The following SCUBE1 variants were observed in gnomAD, a reference collection of about 807,000 sequenced individuals.
SCUBE1 encodes signal peptide, CUB and EGF-like domain-containing protein 1.
SCUBE1 carries 59 observed loss-of-function variants against 124.4 expected under a neutral mutation model. That is an observed-to-expected ratio of 0.47 (90% CI 0.38 to 0.59). The LOEUF is 0.59. SCUBE1 is among the 20% of genes least tolerant of loss of function. The probability of loss-of-function intolerance (pLI) is 0.00; values close to 1 mark genes in which losing one functional copy is unlikely to be tolerated. For missense variants in SCUBE1, 1,150 were observed against 1,371.2 expected (o/e 0.84, Z 2.55); for synonymous variants, 545 against 550.9 (o/e 0.99, Z 0.15).
In SCUBE1 at chr22:43,299,519, C is replaced by T. The variant is rs191539495; in HGVS notation, c.350-8339G>A. 9.2e-5 allele frequency among the ~76,000 whole-genome samples: 14 copies of T among 152,310 alleles called. No homozygotes were observed. The East Asian group carries it at 2.5e-3, about 27-fold the overall frequency. ...GGATCCCAGCTTACTGGGGCACTCACAATTGGCCCAGAAGTGGACAGAGCT... is the reference window on the plus strand; with the variant it reads ...GGATCCCAGCTTACTGGGGCACTCATAATTGGCCCAGAAGTGGACAGAGCT... On this transcript the variant is annotated intron_variant, in intron 3 of 21. Transcript: ENST00000360835.
intron 3 of SCUBE1, among the ~76,000 whole-genome samples, chr22:43,292,240 G>A (rs1925388970): frequency 6.6e-6 from 1 of 152,158 alleles, no homozygotes; most frequent in Non-Finnish European, 1.5e-5. Context: ...CAAGATGGCT[G>A]TGGAAGGCTG....
At chr22:43,257,824 T>C (rs1466149587) in intron 6 of SCUBE1, among the ~76,000 whole-genome samples, 2 of 152,216 alleles carry the variant, frequency 1.3e-5, no homozygotes, top group African/African-American at 4.8e-5. Flanking sequence ...TCTTCCATAT[T>C]AGGGGAGGAA....
intron 2 of SCUBE1, among the ~76,000 whole-genome samples, chr22:43,337,796 C>T (rs1325053123): frequency 6.6e-6 from 1 of 152,184 alleles, no homozygotes; most frequent in Non-Finnish European, 1.5e-5. Context: ...CCTGTAAACG[C>T]CTTATACAGA....
intron 4 of SCUBE1, among the ~76,000 whole-genome samples, chr22:43,263,166 C>T (rs780088886): frequency 6.2e-4 from 95 of 152,174 alleles, no homozygotes; most frequent in Non-Finnish European, 1.3e-3. Context: ...GGGGCATGGT[C>T]TGTAGAACTA....
intron 8 of SCUBE1, 30 bp from the exon 9 acceptor site, chr22:43,229,218 GGA>G (rs773948439): frequency 7.1e-7 from 1 of 1,400,194 alleles, no homozygotes; most frequent in Admixed American, 1.7e-5. Context: ...CAAAGTTGGG[GGA>G]GGAGTTTGAG....
At chr22:43,212,379 C>T (rs1162321287) in intron 17 of SCUBE1, 46 bp downstream of exon 17, 2 of 1,540,866 alleles carry the variant, frequency 1.3e-6, no homozygotes, top group South Asian at 1.2e-5. Flanking sequence ...AGCAGTGCAG[C>T]CCTGCCTCTC....
rs114470250 is a variant in SCUBE1 at position 43,277,251 on chromosome 22, A to G, written c.484+13795T>C. Among the ~76,000 whole-genome samples, 821 of 152,222 alleles carry G rather than the reference A, an allele frequency of 5.4e-3. 7 individuals carry two copies. The highest frequency in any genetic ancestry group is 0.019 in the African/African-American group (791 of 41,522). ...AGAAGTTCACTATGGCTGGTTCATG[A>G]CATGCCAAGCAAGGACAGGCTGCAG... On this transcript the variant is annotated intron_variant, in intron 4 of 21. Transcript: ENST00000360835.
chr22:43,307,050 C>T (rs1213758854), intron 3 of SCUBE1, among the ~76,000 whole-genome samples: 1 of 152,256 alleles, frequency 6.6e-6, no homozygotes, highest in African/African-American at 2.4e-5. Flanking sequence ...ACCCGCCCAT[C>T]CTCCACCACA....
At position 43,220,474 on chromosome 22, in the gene SCUBE1, C is replaced by T. The variant is rs761214568; in HGVS notation, c.1663G>A (p.Glu555Lys). The change falls in exon 14 of 22, where the codon GAG becomes AAG. Residue 555 changes from glutamate to lysine, a missense_variant. Glu to Lys is a moderately conservative substitution (Grantham distance 56). This residue lies in a region of SCUBE1 where 757 missense variants were observed against 840.9 expected (regional missense o/e 0.90). Coordinates refer to ENST00000360835, the MANE Select transcript of SCUBE1 (RefSeq NM_173050.5). ...VSHITAEFEIETKMEEASDTC... is the reference protein window; with the variant it reads ...VSHITAEFEIKTKMEEASDTC... ...CCTGAGGCCTCTTCCATCTTTGTCT[C>T]GATCTCAAACTCTGCTGTGATGTGG... is the stretch of plus-strand genomic sequence containing the variant. 1.1e-5 allele frequency: 18 copies of T among 1,613,936 alleles called. No homozygotes were observed. The highest frequency in any genetic ancestry group is 1.7e-5 in the Admixed American group (1 of 60,004).
chr22:43,236,567 G>T (rs1922770424), intron 7 of SCUBE1, among the ~76,000 whole-genome samples: 1 of 152,206 alleles, frequency 6.6e-6, no homozygotes, highest in South Asian at 2.1e-4. Flanking sequence ...TTGTAGGGTA[G>T]CCCTGGGCCT....
chr22:43,320,512 G>C (rs1926507866), intron 2 of SCUBE1, among the ~76,000 whole-genome samples: 1 of 152,202 alleles, frequency 6.6e-6, no homozygotes, highest in Non-Finnish European at 1.5e-5. Context: ...ACAATGGCCA[G>C]TAGCCTTGAT....
Position 43,199,624 on chromosome 22 carries a change from G to A in SCUBE1, c.*4373C>T, listed in dbSNP as rs79895767. 11,034 of 149,078 alleles carry A rather than the reference G, an allele frequency of 0.074. 807 individuals carry two copies. Among genetic ancestry groups the A allele is most frequent in the South Asian group, 0.13 (595 of 4,522 alleles). The allele number at this position is 149,078 out of a possible 1,614,324, so 9.2% of individuals were successfully genotyped here. ...GCCCTGCAGCCTGGGCCACCATGGA[G>A]GTGGGGGAGGACTGGGCCACACTGT... On this transcript the variant is annotated 3_prime_UTR_variant, in exon 22 of 22. Coordinates refer to ENST00000360835, the MANE Select transcript of SCUBE1 (RefSeq NM_173050.5).
chr22:43,263,849 G>A (rs1255668962), intron 4 of SCUBE1, among the ~76,000 whole-genome samples: 1 of 152,136 alleles, frequency 6.6e-6, no homozygotes, highest in Admixed American at 6.5e-5. Context: ...TTGGAATGAC[G>A]CAGAGTCTAA....
rs908621878 is a variant in SCUBE1 at position 43,222,742 on chromosome 22, T to A, written c.1328A>T (p.Asp443Val). ...SCPAHTLFVP[D>V]SENSYVLSCG... ...GCTCAGGACGTAGCTATTTTCCGAG[T>A]CTGCAGAGAAGCCGGTGGGTGAGGT... The change falls in exon 12 of 22, where the codon GAC (aspartate) becomes GTC (valine). Residue 443 changes from aspartate to valine, a missense_variant and splice_region_variant. By Grantham distance (152) the Asp-to-Val change is radical. Around this residue, in one of 3 missense-constraint regions of SCUBE1, gnomAD observed 757 missense variants for 840.9 expected, o/e 0.90. Transcript: ENST00000360835. 1.3e-6 allele frequency: 2 copies of A among 1,596,280 alleles called. No homozygotes were observed. The highest frequency in any genetic ancestry group is 2.7e-5 in the African/African-American group (2 of 74,590).
chr22:43,279,494 C>T (rs1231682165), intron 4 of SCUBE1, among the ~76,000 whole-genome samples: 1 of 152,244 alleles, frequency 6.6e-6, no homozygotes, highest in Non-Finnish European at 1.5e-5. Flanking sequence ...AACTGAACCC[C>T]TATTGCGGCA....
At chr22:43,298,127 T>C (rs1452113284) in intron 3 of SCUBE1, among the ~76,000 whole-genome samples, 1 of 152,224 alleles carries the variant, frequency 6.6e-6, no homozygotes, top group East Asian at 1.9e-4. Context: ...AAATTGCATT[T>C]GATGAGTTAA....
At chr22:43,219,398 C>T (rs941384900) in intron 14 of SCUBE1, among the ~76,000 whole-genome samples, 8 of 152,190 alleles carry the variant, frequency 5.3e-5, no homozygotes, top group Admixed American at 1.3e-4. Flanking sequence ...CCTGCAGAGC[C>T]GAGAGCCAAT....
At position 43,197,728 on chromosome 22, in the gene SCUBE1, T is replaced by C. The variant is rs1920952120; in HGVS notation, c.*6269A>G. On this transcript the variant is annotated 3_prime_UTR_variant, in exon 22 of 22. Transcript: ENST00000360835. ...CAGTGGGGACACTCGGCAAGGGCACTTGAGCCTCTGGCTGTGTCTGCTCAC... is the reference window on the plus strand; with the variant it reads ...CAGTGGGGACACTCGGCAAGGGCACCTGAGCCTCTGGCTGTGTCTGCTCAC... The C allele has an allele frequency of 6.6e-6, 1 of 152,312 alleles. No homozygotes were observed. The highest frequency in any genetic ancestry group is 2.4e-5 in the African/African-American group (1 of 41,472). The allele number at this position is 152,312 out of a possible 1,614,324, so 9.4% of individuals were successfully genotyped here.
intron 10 of SCUBE1, among the ~76,000 whole-genome samples, chr22:43,225,681 C>T (rs902635703): frequency 2.6e-5 from 4 of 151,538 alleles, no homozygotes; most frequent in African/African-American, 7.3e-5. Flanking sequence ...GGATTACAGG[C>T]GTGAGTCACC....
Sources: allele counts gnomAD v4.1 joint callset (sites outside exome capture counted in the v4.1 genomes callset), GRCh38; gene constraint gnomAD v4.1.1; regional missense constraint gnomAD v4.1.1; transcripts MANE v1.5; gene names NCBI Gene and HGNC (gene_info 2026-07-23, HGNC 2026-07-21).